The following MACF1 variants were observed in gnomAD, a reference collection of about 807,000 sequenced individuals.
MACF1 encodes microtubule actin crosslinking factor 1.
A neutral mutation model predicts 854.8 loss-of-function variants in MACF1; 193 were observed. The observed-to-expected ratio is 0.23, with a 90% CI of 0.20 to 0.25. The LOEUF (loss-of-function observed/expected upper bound fraction) is 0.25, where lower values mean the gene tolerates loss of function less well. Ranked by LOEUF, MACF1 falls within the 10% of genes least tolerant of loss-of-function variation. The pLI is 1.00. For synonymous variants in MACF1, 3,185 were observed against 3,226.7 expected (o/e 0.99, Z 0.44); for missense variants, 7,722 against 8,929.1 (o/e 0.86, Z 5.45).
chr1:39,423,970 T>C, intron 60 of MACF1, 58 bp from the exon 61 acceptor site: 2 of 1,436,756 alleles, frequency 1.4e-6, no homozygotes, highest in Non-Finnish European at 1.9e-6. Flanking sequence ...TTTTCTTTCT[T>C]CCTAGTTCAG....
chr1:39,402,220 G>A (rs1045505639), intron 58 of MACF1, among the ~76,000 whole-genome samples: 4 of 151,984 alleles, frequency 2.6e-5, no homozygotes, highest in African/African-American at 9.7e-5. Context: ...CAAAAAAGAG[G>A]GGGTGATTCA....
chr1:39,297,830 C>T (rs546910114), intron 21 of MACF1, 85 bp downstream of exon 21: 3 of 1,497,370 alleles, frequency 2.0e-6, no homozygotes, highest in East Asian at 4.6e-5. Context: ...CTTGAAAGCT[C>T]CAGGGCAATG....
intron 2 of MACF1, among the ~76,000 whole-genome samples, chr1:39,127,612 T>C (rs1642892156): frequency 6.6e-6 from 1 of 152,216 alleles, no homozygotes; most frequent in African/African-American, 2.4e-5. Flanking sequence ...ACTCAGTATA[T>C]ACTTTTCCTT....
chr1:39,269,052 G>A (rs142546596), intron 6 of MACF1: 402 of 1,289,496 alleles, frequency 3.1e-4, no homozygotes, highest in African/African-American at 1.4e-3. Context: ...GGTCCAGACC[G>A]CCCACCTTTT....
intron 1 of MACF1, among the ~76,000 whole-genome samples, chr1:39,205,758 C>T (rs983321790): frequency 2.0e-5 from 3 of 150,710 alleles, no homozygotes; most frequent in African/African-American, 7.4e-5. Flanking sequence ...GAAGTTAATC[C>T]CTCTCTTCCC....
At chr1:39,368,374 A>G in intron 50 of MACF1, 60 bp downstream of exon 50, 1 of 1,495,164 alleles carries the variant, frequency 6.7e-7, no homozygotes, top group Admixed American at 1.8e-5. Flanking sequence ...TATGGAGTGA[A>G]ATGATCTTTT....
chr1:39,428,127 A>G lies in MACF1; in HGVS notation c.16643A>G (p.Lys5548Arg). ...YSEIQDRCCR[K>R]AALLDQALSN... ...GAAATTCAAGACCGCTGTTGTCGGA[A>G]GGCAGCCCTACTTGACCAAGCTCTG... The change falls in exon 63 of 101, where the codon AAG becomes AGG. Residue 5548 changes from lysine to arginine, a missense_variant. By Grantham distance (26) the Lys-to-Arg change is conservative. Around this residue, in one of 15 missense-constraint regions of MACF1, gnomAD observed 2,807 missense variants for 3,235.8 expected, o/e 0.87. Coordinates refer to ENST00000564288, the MANE Select transcript of MACF1 (RefSeq NM_001394062.1). 6.2e-7 allele frequency: 1 copy of G among 1,614,222 alleles called. No homozygotes were observed. Among genetic ancestry groups the G allele is most frequent in the South Asian group, 1.1e-5 (1 of 91,084 alleles).
intron 2 of MACF1, among the ~76,000 whole-genome samples, chr1:39,111,813 A>G (rs1285892103): frequency 6.6e-6 from 1 of 152,108 alleles, no homozygotes; most frequent in Non-Finnish European, 1.5e-5. Flanking sequence ...CTGAAAGTAC[A>G]GTTTGTTACT....
At chr1:39,111,435 T>C (rs1277985101) in intron 2 of MACF1, among the ~76,000 whole-genome samples, 1 of 152,008 alleles carries the variant, frequency 6.6e-6, no homozygotes, top group Non-Finnish European at 1.5e-5. Context: ...CAGGCTGGAG[T>C]GCAGTGGTGC....
intron 58 of MACF1, chr1:39,414,144 C>T (rs778044186): frequency 1.6e-5 from 26 of 1,609,316 alleles, no homozygotes; most frequent in South Asian, 1.0e-4. Context: ...TAGAGGAGCC[C>T]GCCTCCCCAG....
chr1:39,122,316 G>A (rs1193473393), intron 2 of MACF1, among the ~76,000 whole-genome samples: 2 of 149,984 alleles, frequency 1.3e-5, no homozygotes, highest in Non-Finnish European at 3.0e-5. Flanking sequence ...GTACAGTGGC[G>A]CGATGTCGGC....
intron 2 of MACF1, among the ~76,000 whole-genome samples, chr1:39,115,200 C>G (rs1361840805): frequency 1.3e-5 from 2 of 152,114 alleles, no homozygotes; most frequent in African/African-American, 2.4e-5. Flanking sequence ...CCTCTGGCAG[C>G]AGTGCCAAGG....
At chr1:39,172,232 T>C (rs1356871895) in intron 2 of MACF1, among the ~76,000 whole-genome samples, 1 of 152,162 alleles carries the variant, frequency 6.6e-6, no homozygotes, top group Non-Finnish European at 1.5e-5. Context: ...ATCCAGGGAG[T>C]GGCAGGGAAA....
chr1:39,333,683 G>C lies in MACF1; in HGVS notation c.7095G>C (p.Met2365Ile). Residue 2365 changes from methionine to isoleucine, a missense_variant, in exon 37 of 101, where the codon ATG becomes ATC. Physicochemically the swap from Met to Ile is conservative, Grantham distance 10. Transcript: ENST00000564288. ...AGAAATTATTACATAATGTCCTCAT[G>C]GCAGACAAAGCTATAAGTGGTGTCT... ...MDEKLLHNVL[M>I]ADKAISGVLD... 6.2e-7 allele frequency: 1 copy of C among 1,614,148 alleles called. No homozygotes were observed. The highest frequency in any genetic ancestry group is 8.5e-7 in the Non-Finnish European group (1 of 1,180,014).
At chr1:39,183,914 C>G (rs1253191547) in intron 2 of MACF1, among the ~76,000 whole-genome samples, 1 of 152,188 alleles carries the variant, frequency 6.6e-6, no homozygotes, top group African/African-American at 2.4e-5. Flanking sequence ...AGGCTCAGGC[C>G]TGTGTTGGCA....
At chr1:39,134,468 T>G (rs1643113279) in intron 2 of MACF1, among the ~76,000 whole-genome samples, 1 of 152,192 alleles carries the variant, frequency 6.6e-6, no homozygotes, top group South Asian at 2.1e-4. Flanking sequence ...GTTTTCAGTT[T>G]TCTTTTATTT....
rs71060310 is a variant in MACF1, at chr1:39,331,172, C to CTTTTTTTT, written c.4615-10_4615-3dup. The CTTTTTTTT allele has an allele frequency of 5.4e-6, 7 of 1,302,968 alleles. No homozygotes were observed. The African/African-American group carries it at 8.2e-5, about 15-fold the overall frequency. 80.7% of individuals were successfully genotyped at this position (1,302,968 alleles called of 1,614,324 possible). On this transcript the variant is annotated intron_variant, in intron 36 of 100. Transcript: ENST00000564288. ...TCAGTTTTCTTTTTCTTCTCTTTTC[C>CTTTTTTTT]TTTTTTTTTTTTTTTTTTTTTTTTT...
intron 6 of MACF1, chr1:39,269,848 T>TTTG: frequency 2.9e-6 from 2 of 680,060 alleles, no homozygotes; most frequent in Non-Finnish European, 4.2e-6. Flanking sequence ...TGTGGGTTAG[T>TTTG]ATCTGCTGGA....
intron 1 of MACF1, among the ~76,000 whole-genome samples, chr1:39,209,826 C>T (rs756844374): frequency 2.2e-4 from 33 of 152,190 alleles, no homozygotes; most frequent in African/African-American, 7.5e-4. Context: ...TGGTGGTTCA[C>T]GCCTGTAATC....
Sources: allele counts gnomAD v4.1 joint callset (sites outside exome capture counted in the v4.1 genomes callset), GRCh38; gene constraint gnomAD v4.1.1; regional missense constraint gnomAD v4.1.1; transcripts MANE v1.5; gene names NCBI Gene and HGNC (gene_info 2026-07-23, HGNC 2026-07-21).